IFT80: variants seen among roughly 807,000 people sequenced by gnomAD.
IFT80 encodes the protein intraflagellar transport 80.
In IFT80, 79 loss-of-function variants were observed where a neutral mutation model predicts 107.9. That is an observed-to-expected ratio of 0.73 (90% CI 0.61 to 0.88). IFT80 has a LOEUF of 0.88. Ranked by LOEUF, IFT80 falls within the 40% of genes least tolerant of loss-of-function variation. The pLI is 0.00. For missense variants in IFT80, 797 were observed against 914.2 expected, an observed-to-expected ratio of 0.87 and a Z score of 1.65; for synonymous variants, 299 against 300.9, an observed-to-expected ratio of 0.99 and a Z score of 0.07.
chr3:160,377,687 A>G (rs1712132870), intron 3 of IFT80, 147 bp from the exon 4 acceptor site: 1 of 487,732 alleles, frequency 2.1e-6, no homozygotes, highest in African/African-American at 2.0e-5. Flanking sequence ...CTATTGGAAA[A>G]TAGGCACAAA....
chr3:160,264,599 CTT>C (rs567273435), intron 19 of IFT80, among the ~76,000 whole-genome samples: 2,849 of 125,180 alleles, frequency 0.023, 45 homozygotes, highest in Middle Eastern at 0.041. Flanking sequence ...GTCCAGCTAA[CTT>C]TTTTTTTTTT....
chr3:160,259,993 T>C (rs1712685984), intron 19 of IFT80, among the ~76,000 whole-genome samples: 1 of 152,178 alleles, frequency 6.6e-6, no homozygotes, highest in Non-Finnish European at 1.5e-5. Flanking sequence ...AGATTTAGCT[T>C]AAGTAAGTGA....
chr3:160,364,222 C>T (rs894631708), intron 6 of IFT80, among the ~76,000 whole-genome samples: 1 of 152,178 alleles, frequency 6.6e-6, no homozygotes, highest in Non-Finnish European at 1.5e-5. Flanking sequence ...CAAAAGAAGA[C>T]ATTTATGCAG....
chr3:160,380,848 A>G (rs1347273066), intron 3 of IFT80, among the ~76,000 whole-genome samples: 1 of 152,172 alleles, frequency 6.6e-6, no homozygotes, highest in Non-Finnish European at 1.5e-5. Context: ...ATGAATAGGT[A>G]TATCTTTTCA....
At chr3:160,302,610 T>C (rs894951986) in intron 11 of IFT80, among the ~76,000 whole-genome samples, 5 of 152,068 alleles carry the variant, frequency 3.3e-5, no homozygotes, top group Non-Finnish European at 7.4e-5. Context: ...TATATGTCTT[T>C]ATTAAGAGTA....
At chr3:160,320,672 T>C (rs972404394) in intron 8 of IFT80, among the ~76,000 whole-genome samples, 7 of 151,936 alleles carry the variant, frequency 4.6e-5, no homozygotes, top group Non-Finnish European at 4.4e-5. Flanking sequence ...ACTAAACTTA[T>C]ATACATATTC....
intron 9 of IFT80, among the ~76,000 whole-genome samples, chr3:160,315,675 T>C (rs1237806972): frequency 6.6e-6 from 1 of 152,144 alleles, no homozygotes; most frequent in African/African-American, 2.4e-5. Flanking sequence ...TTCCAAATTG[T>C]TTTCATTGCA....
chr3:160,355,045 A>T (rs1018268076), intron 8 of IFT80, among the ~76,000 whole-genome samples: 1 of 152,222 alleles, frequency 6.6e-6, no homozygotes, highest in Non-Finnish European at 1.5e-5. Flanking sequence ...GCCACACTCA[A>T]ACTCTTTTTA....
At position 160,279,344 on chromosome 3, in the gene IFT80, T is replaced by C. The variant is rs747841807; in HGVS notation, c.1685A>G (p.His562Arg). 1.9e-6 allele frequency: 3 copies of C among 1,613,144 alleles called. No homozygotes were observed. The highest frequency in any genetic ancestry group is 1.7e-5 in the Admixed American group (1 of 59,930). Residue 562 changes from histidine (H) to arginine (R), a missense_variant, in exon 16 of 20, where the codon CAT becomes CGT. Transcript: ENST00000326448. ...RDASEFSKNP[H>R]IVSFVGNQVT... ...TTGATTTCCAACAAAACTCACAATA[T>C]GGGGATTTTTACTAAATTCACTGTT... is the stretch of plus-strand genomic sequence containing the variant.
At chr3:160,334,083 TGTTATTATGTG>T (rs1719284254) in intron 8 of IFT80, among the ~76,000 whole-genome samples, 2 of 152,174 alleles carry the variant, frequency 1.3e-5, no homozygotes, top group African/African-American at 4.8e-5. Context: ...CTGACCAAAA[TGTTATTATGTG>T]GTACATGATC....
At chr3:160,390,134 AG>A (rs767400391) in intron 1 of IFT80, among the ~76,000 whole-genome samples, 1 of 152,096 alleles carries the variant, frequency 6.6e-6, no homozygotes, top group Non-Finnish European at 1.5e-5. Context: ...AGCAGTTTCC[AG>A]GGACAGGCAT....
chr3:160,316,195 C>T (rs1238172008), intron 9 of IFT80, among the ~76,000 whole-genome samples: 1 of 152,128 alleles, frequency 6.6e-6, no homozygotes, highest in Non-Finnish European at 1.5e-5. Flanking sequence ...TTGTGAGCTG[C>T]CCTATGAAGA....
At chr3:160,365,479 C>T (rs1484782754) in intron 6 of IFT80, among the ~76,000 whole-genome samples, 4 of 152,048 alleles carry the variant, frequency 2.6e-5, no homozygotes, top group Non-Finnish European at 4.4e-5. Context: ...AGTCATTTTA[C>T]AATGTTTTCC....
intron 9 of IFT80, among the ~76,000 whole-genome samples, chr3:160,313,223 C>T (rs540175106): frequency 6.9e-6 from 1 of 145,432 alleles, no homozygotes; most frequent in African/African-American, 2.6e-5. Flanking sequence ...TCCAAAATGC[C>T]ATCTTCTAGA....
chr3:160,266,558 AT>A (rs1713347298), intron 19 of IFT80, among the ~76,000 whole-genome samples: 2 of 151,806 alleles, frequency 1.3e-5, no homozygotes, highest in Admixed American at 1.3e-4. Context: ...TAATTTTTAA[AT>A]TTTTTGTACA....
intron 1 of IFT80, among the ~76,000 whole-genome samples, chr3:160,392,987 G>C (rs1713497402): frequency 6.6e-6 from 1 of 152,196 alleles, no homozygotes; most frequent in African/African-American, 2.4e-5. Flanking sequence ...CAGGAGGACT[G>C]CTTGAGCACA....
At chr3:160,274,701 G>T (rs1452777160) in intron 18 of IFT80, 1 of 152,220 alleles carries the variant, frequency 6.6e-6, no homozygotes, top group Non-Finnish European at 1.5e-5. Context: ...TGCTTTGGGA[G>T]GCCAAGGCAG....
chr3:160,355,818 C>T (rs1378619259), intron 8 of IFT80, among the ~76,000 whole-genome samples, 195 bp downstream of exon 8: 3 of 152,164 alleles, frequency 2.0e-5, no homozygotes. Context: ...AGAGATCGTG[C>T]CCATGCTTCA....
At chr3:160,278,681 T>TA (rs1237916687) in intron 16 of IFT80, among the ~76,000 whole-genome samples, 2 of 152,104 alleles carry the variant, frequency 1.3e-5, no homozygotes, top group South Asian at 2.1e-4. Context: ...AACCCATTGT[T>TA]AAAAAAAGCA....
Sources: gnomAD v4.1 joint callset for allele counts (sites outside exome capture counted in the v4.1 genomes callset) on GRCh38, gnomAD v4.1.1 for gene constraint, MANE v1.5 for transcripts, NCBI Gene and HGNC (gene_info 2026-07-23, HGNC 2026-07-21) for gene names.